Variants in EHMT1 observed in about 807,000 individuals in gnomAD.
EHMT1 encodes the protein euchromatic histone lysine methyltransferase 1.
Under a neutral mutation model 147.2 loss-of-function variants are expected in EHMT1, and 15 were observed. The observed-to-expected ratio is 0.10, with a 90% confidence interval of 0.07 to 0.16. The LOEUF (loss-of-function observed/expected upper bound fraction) is 0.16. Among genes scored for constraint, EHMT1 ranks in the 10% least tolerant of loss-of-function variants. EHMT1 has a pLI of 1.00. For synonymous variants in EHMT1, 795 were observed against 709.6 expected (o/e 1.12, Z -1.91); for missense variants, 1,587 against 1,772.4 (o/e 0.90, Z 1.88).
intron 1 of EHMT1, among the ~76,000 whole-genome samples, chr9:137,673,296 AT>A (rs1455724260): frequency 6.6e-6 from 1 of 152,174 alleles, no homozygotes; most frequent in African/African-American, 2.4e-5. Context: ...GTCCCTCACC[AT>A]TCTCGACTGC....
intron 1 of EHMT1, among the ~76,000 whole-genome samples, chr9:137,677,890 C>T (rs1383583815): frequency 6.7e-6 from 1 of 149,106 alleles, no homozygotes; most frequent in African/African-American, 2.5e-5. Context: ...AACCCCGTCT[C>T]GACTAAAAAT....
At chr9:137,777,645 G>A (rs1322587207) in intron 12 of EHMT1, among the ~76,000 whole-genome samples, 2 of 152,196 alleles carry the variant, frequency 1.3e-5, no homozygotes, top group Admixed American at 1.3e-4. Context: ...GATAGATTCA[G>A]CTTGAAGCTC....
chr9:137,662,878 C>T (rs569830215), intron 1 of EHMT1, among the ~76,000 whole-genome samples: 1 of 152,082 alleles, frequency 6.6e-6, no homozygotes, highest in Admixed American at 6.6e-5. Flanking sequence ...ACTGCAGCCT[C>T]TGCCTCCTGG....
At chr9:137,780,898 G>T (rs1951404382) in intron 14 of EHMT1, among the ~76,000 whole-genome samples, 1 of 108,222 alleles carries the variant, frequency 9.2e-6, no homozygotes, top group Admixed American at 8.6e-5. Context: ...ATGACGCTGG[G>T]ATGTGTGGTG....
chr9:137,834,547 G>A (rs1588948400), intron 26 of EHMT1, 23 bp downstream of exon 26: 2 of 1,608,266 alleles, frequency 1.2e-6, no homozygotes, highest in Admixed American at 1.7e-5. Flanking sequence ...CCGGCCCCTG[G>A]CCATCTCCGC....
At position 137,787,704 on chromosome 9, in the gene EHMT1, G is replaced by T; in HGVS notation, c.2383-3144G>T. On this transcript the variant is annotated intron_variant, in intron 15 of 26. Coordinates refer to ENST00000460843, the MANE Select transcript of EHMT1 (RefSeq NM_024757.5). The surrounding 1 kb of genome is among the most constrained non-coding windows in gnomAD (Gnocchi z 4.2). Reference sequence around the variant, plus strand: ...GGGAGAGCAGCCCGCCTGGGCCAGGGGCCGCCAGGTCCCCAGGGTGCCACC... The same window carrying T: ...GGGAGAGCAGCCCGCCTGGGCCAGGTGCCGCCAGGTCCCCAGGGTGCCACC... 1.4e-6 allele frequency: 1 copy of T among 701,900 alleles called. No homozygotes were observed. The highest frequency in any genetic ancestry group is 1.8e-5 in the African/African-American group (1 of 57,012). The allele number at this position is 701,900 out of a possible 1,614,324, so 43.5% of individuals were successfully genotyped here. A position where few individuals can be genotyped will look rare whatever the true frequency, so the allele number is the denominator to read the frequency against.
intron 3 of EHMT1, among the ~76,000 whole-genome samples, chr9:137,723,512 C>T (rs989254021): frequency 4.2e-5 from 6 of 142,470 alleles, no homozygotes; most frequent in South Asian, 2.3e-4. Context: ...GGCCTGAGCC[C>T]GGGGTGTGTC....
At chr9:137,697,900 A>G (rs1413370808) in intron 1 of EHMT1, among the ~76,000 whole-genome samples, 1 of 152,064 alleles carries the variant, frequency 6.6e-6, no homozygotes, top group African/African-American at 2.4e-5. Flanking sequence ...GTGATTGCAT[A>G]TTCTGGTCCA....
intron 18 of EHMT1, among the ~76,000 whole-genome samples, chr9:137,810,463 C>A (rs892261018): frequency 6.6e-6 from 1 of 152,228 alleles, no homozygotes; most frequent in East Asian, 1.9e-4. Flanking sequence ...AGGGATACTT[C>A]ATTGTTCTGA....
At chr9:137,637,430 C>G (rs1369587501) in intron 1 of EHMT1, 1 of 152,244 alleles carries the variant, frequency 6.6e-6, no homozygotes, top group Admixed American at 6.5e-5. Context: ...CTGCCTTGGC[C>G]TCCCAAAATG....
intron 9 of EHMT1, among the ~76,000 whole-genome samples, chr9:137,758,939 G>A (rs562063692): frequency 9.7e-4 from 147 of 152,114 alleles, no homozygotes; most frequent in Middle Eastern, 3.4e-3. Context: ...CATCCTGGCT[G>A]ACATGATGAA....
chr9:137,782,962 A>T lies in EHMT1; in HGVS notation c.2382+565A>T, dbSNP rs951746749. Among the ~76,000 whole-genome samples, 3 of 152,070 alleles carry T rather than the reference A, an allele frequency of 2.0e-5. No homozygotes were observed. The highest frequency in any genetic ancestry group is 7.2e-5 in the African/African-American group (3 of 41,380). On this transcript the variant is annotated intron_variant, in intron 15 of 26. Coordinates refer to ENST00000460843, the MANE Select transcript of EHMT1 (RefSeq NM_024757.5). This position sits in a 1 kb window ranked among gnomAD's most constrained non-coding sequence, Gnocchi z 5.7. ...GTCCCCCTGTGACGCCCCTTCCCTG[A>T]TCCCGGTGTTGGATCCCCTGTTTCT...
At chr9:137,629,749 C>T (rs562825537) in intron 1 of EHMT1, among the ~76,000 whole-genome samples, 118 of 152,104 alleles carry the variant, frequency 7.8e-4, no homozygotes, top group African/African-American at 1.9e-3. Context: ...AGGCTGGTCT[C>T]GAACTCCTGA....
intron 25 of EHMT1, among the ~76,000 whole-genome samples, chr9:137,822,018 C>T (rs1308494257): frequency 6.6e-6 from 1 of 152,108 alleles, no homozygotes; most frequent in Non-Finnish European, 1.5e-5. Context: ...AAATGTACAT[C>T]CCAGTGTAAT....
At chr9:137,685,967 G>A (rs1346195121) in intron 1 of EHMT1, among the ~76,000 whole-genome samples, 2 of 140,284 alleles carry the variant, frequency 1.4e-5, no homozygotes, top group Non-Finnish European at 1.6e-5. Flanking sequence ...AGTCAGTCAC[G>A]GGATCTCACT....
chr9:137,737,054 A>AT (rs1436684156), intron 4 of EHMT1, among the ~76,000 whole-genome samples: 11 of 152,086 alleles, frequency 7.2e-5, no homozygotes, highest in Non-Finnish European at 1.3e-4. Context: ...AAATACAAAA[A>AT]TTAGCCAGGC....
chr9:137,641,582 T>C, intron 1 of EHMT1: 1 of 284,228 alleles, frequency 3.5e-6, no homozygotes, highest in East Asian at 1.2e-4. Flanking sequence ...CTATGTTCGC[T>C]CTCCCAGTCC....
intron 23 of EHMT1, chr9:137,817,173 G>A (rs934252226): frequency 1.7e-5 from 9 of 544,124 alleles, no homozygotes; most frequent in Non-Finnish European, 2.7e-5. Flanking sequence ...CTGTCCCCAT[G>A]TTACAGATGG....
intron 3 of EHMT1, among the ~76,000 whole-genome samples, chr9:137,727,378 A>G (rs190434930): frequency 6.6e-6 from 1 of 152,272 alleles, no homozygotes; most frequent in Non-Finnish European, 1.5e-5. Context: ...GCCAGATCCA[A>G]TGTTGGGAAG....
Sources: gnomAD v4.1 joint callset for allele counts (sites outside exome capture counted in the v4.1 genomes callset) on GRCh38, gnomAD v4.1.1 for gene constraint, Gnocchi (gnomAD v3.1) non-coding constraint, MANE v1.5 for transcripts, NCBI Gene and HGNC (gene_info 2026-07-23, HGNC 2026-07-21) for gene names.